Variants in GNAI1 observed in about 807,000 individuals in gnomAD.
GNAI1 encodes G protein subunit alpha i1.
A neutral mutation model predicts 38.9 loss-of-function variants in GNAI1; 11 were observed. The ratio of observed to expected loss-of-function variants is 0.28; its 90% CI spans 0.18 to 0.47. GNAI1 has a LOEUF of 0.47. Among genes scored for constraint, GNAI1 ranks in the 20% least tolerant of loss-of-function variants. GNAI1 has a pLI of 0.99. For synonymous variants in GNAI1, 166 were observed against 145.1 expected, an observed-to-expected ratio of 1.14 and a Z score of -1.04; for missense variants, 317 against 436.9, an observed-to-expected ratio of 0.73 and a Z score of 2.45.
intron 7 of GNAI1, 64 bp from the exon 8 acceptor site, chr7:80,217,239 T>TATGTATGAACCTGAAG: frequency 1.9e-6 from 2 of 1,053,098 alleles, no homozygotes; most frequent in Non-Finnish European, 2.8e-6. Flanking sequence ...TGAAACTGAA[T>TATGTATGAACCTGAAG]TCAGTATTTT....
chr7:80,185,498 A>G (rs1174006901), intron 1 of GNAI1, among the ~76,000 whole-genome samples: 2 of 152,124 alleles, frequency 1.3e-5, no homozygotes, highest in Admixed American at 6.5e-5. Context: ...TCCCTGTCCT[A>G]TGGCTTTACC....
intron 1 of GNAI1, among the ~76,000 whole-genome samples, chr7:80,155,418 C>T (rs970988511): frequency 5.3e-5 from 8 of 152,084 alleles, no homozygotes; most frequent in Non-Finnish European, 8.8e-5. Flanking sequence ...TTCTTTGGGC[C>T]TCTGTAAGGT....
intron 1 of GNAI1, among the ~76,000 whole-genome samples, chr7:80,142,965 CATACACTATTGCAATGTGGCATTTAAT>C (rs1414081498): frequency 6.6e-6 from 1 of 152,170 alleles, no homozygotes; most frequent in Non-Finnish European, 1.5e-5. Flanking sequence ...TCTTAAAATG[CATACACTATTGCAATGTGGCATTTAAT>C]ATATACTCAC....
chr7:80,178,405 T>C (rs1434757726), intron 1 of GNAI1, among the ~76,000 whole-genome samples: 1 of 152,184 alleles, frequency 6.6e-6, no homozygotes, highest in African/African-American at 2.4e-5. Flanking sequence ...GAGCATCACA[T>C]GCTGCAGAAA....
At chr7:80,170,264 A>G (rs557818730) in intron 1 of GNAI1, among the ~76,000 whole-genome samples, 7 of 152,334 alleles carry the variant, frequency 4.6e-5, no homozygotes, top group Non-Finnish European at 8.8e-5. Context: ...CAAGCAGTGT[A>G]TGAAGATTCC....
chr7:80,180,767 G>A (rs1184472821), intron 1 of GNAI1, among the ~76,000 whole-genome samples: 1 of 152,066 alleles, frequency 6.6e-6, no homozygotes, highest in Non-Finnish European at 1.5e-5. Flanking sequence ...CAGTCCAGTT[G>A]AGCTTGTGTC....
chr7:80,215,787 G>C (rs914910165), intron 7 of GNAI1, among the ~76,000 whole-genome samples: 1 of 152,200 alleles, frequency 6.6e-6, no homozygotes, highest in Non-Finnish European at 1.5e-5. Context: ...AGAGAACCCA[G>C]CTAGATTTGA....
At position 80,179,324 on chromosome 7, in the gene GNAI1, G is replaced by A. The variant is rs535193012; in HGVS notation, c.119-9627G>A. Reference sequence around the variant, plus strand: ...CAGATTACTGGACGCCTCACCTCCAGAGTTTCTTTCTGATTCAGTAAACGC... The same window carrying A: ...CAGATTACTGGACGCCTCACCTCCAAAGTTTCTTTCTGATTCAGTAAACGC... On this transcript the variant is annotated intron_variant, in intron 1 of 7. Coordinates refer to ENST00000649796, the MANE Select transcript of GNAI1 (RefSeq NM_002069.6). Among the ~76,000 whole-genome samples the A allele has an allele frequency of 2.6e-5, 4 of 152,226 alleles. No homozygotes were observed. In the South Asian group the frequency reaches 8.3e-4, roughly 32 times the overall value.
At chr7:80,169,857 C>T (rs897604237) in intron 1 of GNAI1, among the ~76,000 whole-genome samples, 2 of 152,190 alleles carry the variant, frequency 1.3e-5, no homozygotes, top group Non-Finnish European at 2.9e-5. Flanking sequence ...CACCCTTACT[C>T]AACCACTGGT....
chr7:80,208,621 C>T (rs369899242), intron 5 of GNAI1, among the ~76,000 whole-genome samples: 15 of 152,160 alleles, frequency 9.9e-5, no homozygotes, highest in African/African-American at 3.6e-4. Context: ...ACTCTGAGTT[C>T]TTTGTTTATG....
chr7:80,147,702 G>A (rs1295194333), intron 1 of GNAI1, among the ~76,000 whole-genome samples: 1 of 152,052 alleles, frequency 6.6e-6, no homozygotes, highest in Non-Finnish European at 1.5e-5. Flanking sequence ...CTTTTAAAAG[G>A]GAATTCTGAT....
Position 80,219,785 on chromosome 7 carries a change from T to C in GNAI1, c.*2292T>C, listed in dbSNP as rs1446492611. Among the ~76,000 whole-genome samples the C allele has an allele frequency of 1.3e-5, 2 of 152,182 alleles. No homozygotes were observed. Among genetic ancestry groups the C allele is most frequent in the Non-Finnish European group, 2.9e-5 (2 of 68,010 alleles). On this transcript the variant is annotated 3_prime_UTR_variant, in exon 8 of 8. Coordinates refer to ENST00000649796, the MANE Select transcript of GNAI1 (RefSeq NM_002069.6). Reference sequence around the variant, plus strand: ...TGCAGGTTGGTTACATATGTATACATGTGCCATGGTGGTTTGCTGCACCTA... The same window carrying C: ...TGCAGGTTGGTTACATATGTATACACGTGCCATGGTGGTTTGCTGCACCTA...
chr7:80,196,404 A>T (rs904622679), intron 3 of GNAI1, among the ~76,000 whole-genome samples: 2 of 151,954 alleles, frequency 1.3e-5, no homozygotes, highest in Non-Finnish European at 2.9e-5. Flanking sequence ...AGTAATCCCT[A>T]TTCTTTTTCT....
chr7:80,188,226 T>C (rs1044784356), intron 1 of GNAI1, among the ~76,000 whole-genome samples: 2 of 152,214 alleles, frequency 1.3e-5, no homozygotes, highest in Non-Finnish European at 2.9e-5. Flanking sequence ...AAATAGTTTT[T>C]CATGTGGCTT....
In GNAI1 at chr7:80,135,251, G is replaced by A; in HGVS notation, c.91G>A (p.Ala31Thr). The change falls in exon 1 of 8, where the codon GCG becomes ACG. Residue 31 changes from alanine to threonine, a missense_variant. Coordinates refer to ENST00000649796, the MANE Select transcript of GNAI1 (RefSeq NM_002069.6). The stretch of plus-strand genomic sequence containing the variant: ...CCTCCGTGAGGACGGCGAGAAGGCG[G>A]CGCGCGAGGTCAAGCTGCTGCTGCT... ...RNLREDGEKA[A>T]REVKLLLLGA... 1.3e-6 allele frequency: 2 copies of A among 1,528,838 alleles called. No individual in the cohort carries two copies. Among genetic ancestry groups the A allele is most frequent in the Non-Finnish European group, 8.8e-7 (1 of 1,137,666 alleles). 94.7% of individuals were successfully genotyped at this position (1,528,838 alleles called of 1,614,324 possible). A position where few individuals can be genotyped will look rare whatever the true frequency, so the allele number is the denominator to read the frequency against.
intron 1 of GNAI1, among the ~76,000 whole-genome samples, chr7:80,142,286 C>T (rs140264604): frequency 4.0e-4 from 61 of 152,300 alleles, no homozygotes; most frequent in African/African-American, 1.4e-3. Context: ...ATTTTACATT[C>T]TCCAGTCCCT....
At chr7:80,212,637 C>T (rs1169870959) in intron 6 of GNAI1, 79 bp from the exon 7 acceptor site, 21 of 803,700 alleles carry the variant, frequency 2.6e-5, no homozygotes, top group East Asian at 6.0e-5. Context: ...TGTTTTATTA[C>T]AACACCTTTT....
intron 1 of GNAI1, among the ~76,000 whole-genome samples, chr7:80,140,279 C>G (rs760195575): frequency 6.6e-6 from 1 of 151,834 alleles, no homozygotes; most frequent in Non-Finnish European, 1.5e-5. Flanking sequence ...CCACCGCACC[C>G]TTTGGCCCCA....
intron 4 of GNAI1, among the ~76,000 whole-genome samples, chr7:80,199,932 A>G (rs773515641): frequency 6.6e-6 from 1 of 152,140 alleles, no homozygotes; most frequent in African/African-American, 2.4e-5. Flanking sequence ...CTGTTTCCAG[A>G]TATTTAAGTA....
Sources: gnomAD v4.1 joint callset for allele counts (sites outside exome capture counted in the v4.1 genomes callset) on GRCh38, gnomAD v4.1.1 for gene constraint, MANE v1.5 for transcripts, NCBI Gene and HGNC (gene_info 2026-07-23, HGNC 2026-07-21) for gene names.